THBS4: variants seen among roughly 807,000 people sequenced by gnomAD.
THBS4 encodes thrombospondin-4.
THBS4 carries 90 observed loss-of-function variants against 115.7 expected under a neutral mutation model. That is an observed-to-expected ratio of 0.78 (90% confidence interval 0.66 to 0.93). THBS4 has a LOEUF of 0.93. THBS4 is among the 40% of genes least tolerant of loss of function. THBS4 has a pLI of 0.00. For missense variants in THBS4, 1,087 were observed against 1,232.7 expected (o/e 0.88, Z 1.77); for synonymous variants, 460 against 479.3 (o/e 0.96, Z 0.53).
chr5:80,028,189 CCCACCT>C (rs1300683369), intron 2 of THBS4, among the ~76,000 whole-genome samples: 1 of 151,994 alleles, frequency 6.6e-6, no homozygotes, highest in Non-Finnish European at 1.5e-5. Flanking sequence ...CCCACCCCAC[CCCACCT>C]CCGCCACTGT....
chr5:80,077,014 GCT>G lies in THBS4; in HGVS notation c.2053_2054del (p.Leu685GlyfsTer9). On this transcript the variant is annotated frameshift_variant, in exon 16 of 22. Coordinates refer to ENST00000350881, the MANE Select transcript of THBS4 (RefSeq NM_003248.6). LOFTEE classifies it high-confidence loss of function. ...TGCCCCCTGGACCAGACAACTGCCG[GCT>G]GGTCCCCAACCCAGCCCAGGAGGAT... Reference protein sequence around the residue: ...LVPPGPDNCRLVPNPAQEDSN... With the variant: ...LVPPGPDNCRXVPNPAQEDSN... 1.2e-6 allele frequency: 2 copies of G among 1,611,226 alleles called. No individual in the cohort carries two copies. The highest frequency in any genetic ancestry group is 1.7e-6 in the Non-Finnish European group (2 of 1,178,532).
intron 2 of THBS4, among the ~76,000 whole-genome samples, chr5:80,016,307 A>G (rs905538759): frequency 6.6e-6 from 1 of 152,226 alleles, no homozygotes; most frequent in Non-Finnish European, 1.5e-5. Flanking sequence ...ATGTCCCTTC[A>G]TAGCCTAATT....
At chr5:80,018,733 CAT>C (rs1186925766) in intron 2 of THBS4, among the ~76,000 whole-genome samples, 1 of 151,986 alleles carries the variant, frequency 6.6e-6, no homozygotes, top group Non-Finnish European at 1.5e-5. Flanking sequence ...TATTTCTTGT[CAT>C]TATTTTCAAA....
intron 2 of THBS4, among the ~76,000 whole-genome samples, chr5:80,040,668 A>C (rs944623251): frequency 1.3e-5 from 2 of 152,238 alleles, no homozygotes; most frequent in Admixed American, 6.5e-5. Flanking sequence ...TTTACATCTC[A>C]CAGTTCTAGA....
chr5:80,027,679 C>T (rs1023926372), intron 2 of THBS4, among the ~76,000 whole-genome samples: 7 of 151,788 alleles, frequency 4.6e-5, no homozygotes, highest in Non-Finnish European at 8.8e-5. Flanking sequence ...GTGGACTGCT[C>T]GAGCCCAGGA....
chr5:80,036,193 T>A (rs1258965458), intron 1 of THBS4: 1 of 985,482 alleles, frequency 1.0e-6, no homozygotes. Context: ...TAGGAAGGGC[T>A]GAGAAACTGG....
At chr5:80,072,190 A>T (rs966003670) in intron 13 of THBS4, 88 bp from the exon 14 acceptor site, 4 of 1,188,052 alleles carry the variant, frequency 3.4e-6, no homozygotes, top group Non-Finnish European at 3.8e-6. Context: ...GCCCAGGCAG[A>T]AGTGACTCAC....
intron 2 of THBS4, among the ~76,000 whole-genome samples, chr5:80,049,987 A>G (rs428279): frequency 0.55 from 83,486 of 151,974 alleles, 23,374 homozygotes; most frequent in African/African-American, 0.65. Context: ...CCGAGCACCC[A>G]CTGACTGACA....
intron 2 of THBS4, 91 bp downstream of exon 2, chr5:80,040,371 A>G: frequency 2.8e-6 from 3 of 1,057,506 alleles, no homozygotes; most frequent in Non-Finnish European, 4.2e-6. Flanking sequence ...GTTTCCTTGT[A>G]CAATTATATT....
chr5:80,055,636 T>C lies in THBS4; in HGVS notation c.293-149T>C, dbSNP rs1052602860. On this transcript the variant is annotated intron_variant, in intron 2 of 21. Coordinates refer to ENST00000350881, the MANE Select transcript of THBS4 (RefSeq NM_003248.6). Reference sequence around the variant, plus strand: ...ACAGAAGATGGTGAATCAATATTTGTGGTTATTTCTCACTCACATTCCGTC... The same window carrying C: ...ACAGAAGATGGTGAATCAATATTTGCGGTTATTTCTCACTCACATTCCGTC... 10 of 1,096,476 alleles carry C rather than the reference T, an allele frequency of 9.1e-6. No homozygotes were observed. The Admixed American group carries it at 2.3e-4, about 25-fold the overall frequency. The allele number at this position is 1,096,476 out of a possible 1,614,324, so 67.9% of individuals were successfully genotyped here. A position where few individuals can be genotyped will look rare whatever the true frequency, so the allele number is the denominator to read the frequency against.
intron 8 of THBS4, among the ~76,000 whole-genome samples, chr5:80,063,495 A>C (rs1833709313): frequency 6.6e-6 from 1 of 152,038 alleles, no homozygotes; most frequent in African/African-American, 2.4e-5. Context: ...TTGCCTGTTC[A>C]CTCTGATGGT....
chr5:80,001,531 T>G (rs115143450), intron 2 of THBS4, among the ~76,000 whole-genome samples: 32 of 152,268 alleles, frequency 2.1e-4, no homozygotes, highest in African/African-American at 7.7e-4. Context: ...GGAGATTAAT[T>G]AAGTGTTATG....
Position 80,035,598 on chromosome 5 carries a change from G to A in THBS4, c.61G>A (p.Ala21Thr), listed in dbSNP as rs1832691313. 2 of 1,420,108 alleles carry A rather than the reference G, an allele frequency of 1.4e-6. No individual in the cohort carries two copies. Among genetic ancestry groups the A allele is most frequent in the East Asian group, 5.8e-5 (2 of 34,498 alleles). The allele number at this position is 1,420,108 out of a possible 1,614,324, so 88.0% of individuals were successfully genotyped here. A position where few individuals can be genotyped will look rare whatever the true frequency, so the allele number is the denominator to read the frequency against. The part of the protein sequence containing the change: ...LLHLVLQRWL[A>T]AGAQATPQVF... The stretch of plus-strand genomic sequence containing the variant: ...GCACCTGGTCCTGCAGCGGTGGCTA[G>A]CGGCAGGCGCCCAGGCCACCCCCCA... The change falls in exon 1 of 22, where the codon GCG (alanine) becomes ACG (threonine). Residue 21 changes from alanine (A) to threonine (T), a missense_variant. Physicochemically the swap from Ala to Thr is moderately conservative, Grantham distance 58. This residue lies in a region of THBS4 where 979 missense variants were observed against 1,103.7 expected (regional missense o/e 0.89). Transcript: ENST00000350881. This position sits in a 1 kb window ranked among gnomAD's most constrained non-coding sequence, Gnocchi z 4.6.
intron 3 of THBS4, among the ~76,000 whole-genome samples, chr5:80,057,676 C>A (rs2249687): frequency 0.54 from 82,609 of 152,032 alleles, 22,777 homozygotes; most frequent in African/African-American, 0.63. Context: ...AGGGCAAGGA[C>A]ATTGACTTTT....
At chr5:80,031,581 TC>T (rs1345511259), upstream of THBS4, among the ~76,000 whole-genome samples, 14 of 152,376 alleles carry the variant, frequency 9.2e-5, no homozygotes, top group African/African-American at 3.1e-4. Context: ...AACTCATTCA[TC>T]TGTCAGCTTG....
At chr5:80,044,168 C>T (rs1832987944) in intron 2 of THBS4, among the ~76,000 whole-genome samples, 1 of 152,186 alleles carries the variant, frequency 6.6e-6, no homozygotes, top group Non-Finnish European at 1.5e-5. Flanking sequence ...TCTTAGCTCA[C>T]CTTGTACTTG....
At chr5:80,068,606 G>A (rs1273550100) in intron 10 of THBS4, 1 of 165,146 alleles carries the variant, frequency 6.1e-6, no homozygotes, top group African/African-American at 2.4e-5. Flanking sequence ...TGTAGAGGTG[G>A]GGACTGTCAT....
At chr5:80,010,583 T>G (rs1832104158) in intron 2 of THBS4, among the ~76,000 whole-genome samples, 2 of 152,208 alleles carry the variant, frequency 1.3e-5, no homozygotes, top group South Asian at 4.1e-4. Flanking sequence ...TTCTTTTAAA[T>G]TTGTGTTGCT....
intron 2 of THBS4, among the ~76,000 whole-genome samples, chr5:80,045,582 G>A (rs1352652018): frequency 6.7e-6 from 1 of 149,428 alleles, no homozygotes; most frequent in African/African-American, 2.5e-5. Context: ...CCAGGTTGGA[G>A]TGCAATGGCG....
Sources: gnomAD v4.1 joint callset for allele counts (sites outside exome capture counted in the v4.1 genomes callset) on GRCh38, gnomAD v4.1.1 for gene constraint, gnomAD v4.1.1 regional missense constraint, Gnocchi (gnomAD v3.1) non-coding constraint, MANE v1.5 for transcripts, NCBI Gene and HGNC (gene_info 2026-07-23, HGNC 2026-07-21) for gene names.